Variants in GPC5 observed in about 807,000 individuals in gnomAD.
GPC5 encodes the protein glypican 5.
Under a neutral mutation model 53.9 loss-of-function variants are expected in GPC5, and 47 were observed. The ratio of observed to expected loss-of-function variants is 0.87; its 90% CI spans 0.69 to 1.11. The LOEUF (loss-of-function observed/expected upper bound fraction) is 1.11, where lower values mean the gene tolerates loss of function less well. Among genes scored for constraint, GPC5 ranks in the 50% most tolerant of loss-of-function variants. GPC5 has a pLI of 0.00. For missense variants in GPC5, 748 were observed against 713.1 expected, an observed-to-expected ratio of 1.05 and a Z score of -0.56; for synonymous variants, 286 against 263.3, an observed-to-expected ratio of 1.09 and a Z score of -0.84.
intron 2 of GPC5, among the ~76,000 whole-genome samples, chr13:91,581,478 G>T (rs779945411): frequency 6.6e-6 from 1 of 152,086 alleles, no homozygotes; most frequent in Non-Finnish European, 1.5e-5. Context: ...GTCTTGCTCT[G>T]ATCTGCCTGC....
intron 2 of GPC5, among the ~76,000 whole-genome samples, chr13:91,608,235 G>A (rs2033436044): frequency 6.6e-6 from 1 of 152,004 alleles, no homozygotes. Flanking sequence ...ATAACCACTT[G>A]GTACTGTGGA....
chr13:91,407,199 G>T (rs1159278541), intron 1 of GPC5, among the ~76,000 whole-genome samples: 1 of 152,106 alleles, frequency 6.6e-6, no homozygotes, highest in African/African-American at 2.4e-5. Flanking sequence ...AAATGTATGT[G>T]GGCTCATTTG....
At chr13:91,915,561 A>T (rs1443485343) in intron 6 of GPC5, among the ~76,000 whole-genome samples, 1 of 152,114 alleles carries the variant, frequency 6.6e-6, no homozygotes, top group Non-Finnish European at 1.5e-5. Context: ...TATCATTTCC[A>T]TTAAGACTTG....
chr13:92,047,690 C>G (rs753612994), intron 6 of GPC5, among the ~76,000 whole-genome samples: 7 of 148,388 alleles, frequency 4.7e-5, no homozygotes, highest in Non-Finnish European at 8.9e-5. Flanking sequence ...GTTCAGCAAA[C>G]ATTAAGAAAT....
Position 91,478,803 on chromosome 13 carries a change from A to ATG in GPC5, c.325+29882_325+29883insGT, listed in dbSNP as rs1396153858. ...TTATCCTCCATTTGAGTTTATATAT[A>ATG]TATATATATATATATATATACACAC... On this transcript the variant is annotated intron_variant, in intron 2 of 7. Coordinates refer to ENST00000377067, the MANE Select transcript of GPC5 (RefSeq NM_004466.6). 5.7e-3 allele frequency among the ~76,000 whole-genome samples: 632 copies of ATG among 110,472 alleles called. 20 individuals are homozygous for ATG. The highest frequency in any genetic ancestry group is 0.023 in the African/African-American group (523 of 23,086). The allele number at this position is 110,472 out of a possible 152,430, so 72.5% of individuals were successfully genotyped here.
chr13:92,606,911 C>A (rs540982312), intron 7 of GPC5, among the ~76,000 whole-genome samples: 1 of 152,130 alleles, frequency 6.6e-6, no homozygotes, highest in African/African-American at 2.4e-5. Context: ...ACTCCACATG[C>A]GCTTTGCCCC....
At chr13:92,633,714 A>G (rs1165940813) in intron 7 of GPC5, among the ~76,000 whole-genome samples, 1 of 151,894 alleles carries the variant, frequency 6.6e-6, no homozygotes, top group Non-Finnish European at 1.5e-5. Context: ...TTTCTTTTTA[A>G]AGTTTTTACC....
chr13:92,076,140 A>C (rs1282666770), intron 6 of GPC5, among the ~76,000 whole-genome samples: 2 of 149,866 alleles, frequency 1.3e-5, no homozygotes, highest in East Asian at 4.0e-4. Flanking sequence ...CAGTGGCGCT[A>C]TCACTGCAAG....
At chr13:92,220,361 C>T (rs2042440050) in intron 7 of GPC5, among the ~76,000 whole-genome samples, 1 of 152,166 alleles carries the variant, frequency 6.6e-6, no homozygotes, top group Non-Finnish European at 1.5e-5. Flanking sequence ...AGTTAAAACA[C>T]TGGTTTTTGC....
chr13:91,807,703 C>T (rs965762223), intron 5 of GPC5, among the ~76,000 whole-genome samples: 4 of 152,208 alleles, frequency 2.6e-5, no homozygotes, highest in Middle Eastern at 6.8e-3. Flanking sequence ...TATAAAAGCA[C>T]TCTTGACAAA....
At chr13:92,594,008 C>T (rs1447901351) in intron 7 of GPC5, among the ~76,000 whole-genome samples, 1 of 152,098 alleles carries the variant, frequency 6.6e-6, no homozygotes, top group African/African-American at 2.4e-5. Flanking sequence ...GACAAGGAAA[C>T]AACAGGCGGA....
intron 6 of GPC5, among the ~76,000 whole-genome samples, chr13:91,964,557 G>A (rs553262036): frequency 2.3e-4 from 35 of 152,158 alleles, no homozygotes; most frequent in African/African-American, 7.7e-4. Context: ...TCCCCTACCC[G>A]ATTAGCTAGA....
intron 5 of GPC5, among the ~76,000 whole-genome samples, chr13:91,818,981 T>C (rs2038445002): frequency 6.6e-6 from 1 of 151,984 alleles, no homozygotes; most frequent in South Asian, 2.1e-4. Flanking sequence ...AATGGATGCA[T>C]ATAAAGTGAA....
intron 7 of GPC5, among the ~76,000 whole-genome samples, chr13:92,728,943 C>T (rs1254868076): frequency 2.0e-5 from 3 of 151,252 alleles, no homozygotes; most frequent in Non-Finnish European, 3.0e-5. Flanking sequence ...GGCAAAGAGT[C>T]GATTTACTTA....
chr13:91,516,202 C>T (rs918290484), intron 2 of GPC5, among the ~76,000 whole-genome samples: 4 of 152,098 alleles, frequency 2.6e-5, no homozygotes, highest in Admixed American at 2.6e-4. Context: ...CAGCATTAAC[C>T]CAAAAGTCCA....
intron 2 of GPC5, among the ~76,000 whole-genome samples, chr13:91,580,161 C>G (rs1054396713): frequency 6.6e-6 from 1 of 152,146 alleles, no homozygotes; most frequent in Non-Finnish European, 1.5e-5. Flanking sequence ...TGCCATTCTC[C>G]TGCCTTAGCC....
chr13:92,058,960 A>G (rs182048026), intron 6 of GPC5, among the ~76,000 whole-genome samples: 33 of 152,332 alleles, frequency 2.2e-4, no homozygotes, highest in Non-Finnish European at 3.7e-4. Context: ...GCGCTGTATC[A>G]TGGTTTTCTA....
At chr13:91,739,118 T>C (rs752570666) in intron 4 of GPC5, among the ~76,000 whole-genome samples, 1 of 151,584 alleles carries the variant, frequency 6.6e-6, no homozygotes, top group African/African-American at 2.4e-5. Context: ...ATTTTAAAAA[T>C]GAAAATGTCT....
intron 2 of GPC5, among the ~76,000 whole-genome samples, chr13:91,543,249 T>C (rs1422169493): frequency 6.6e-6 from 1 of 152,126 alleles, no homozygotes; most frequent in Non-Finnish European, 1.5e-5. Flanking sequence ...CGCCTTGGCC[T>C]CCCAAAGTTC....
Sources: gnomAD v4.1 joint callset for allele counts (sites outside exome capture counted in the v4.1 genomes callset) on GRCh38, gnomAD v4.1.1 for gene constraint, MANE v1.5 for transcripts, NCBI Gene and HGNC (gene_info 2026-07-23, HGNC 2026-07-21) for gene names.